SSUH2: variants seen among roughly 807,000 people sequenced by gnomAD.
The protein encoded by SSUH2 is ssu-2 homolog.
SSUH2 carries 47 observed loss-of-function variants against 55.3 expected under a neutral mutation model. The ratio of observed to expected loss-of-function variants is 0.85; its 90% confidence interval spans 0.67 to 1.08. The LOEUF (loss-of-function observed/expected upper bound fraction) is 1.08, where lower values mean the gene tolerates loss of function less well. Ranked by LOEUF, SSUH2 falls within the 50% of genes least tolerant of loss-of-function variation. The pLI is 0.00. For missense variants in SSUH2, 535 were observed against 490.7 expected (o/e 1.09, Z -0.85); for synonymous variants, 212 against 191.5 (o/e 1.11, Z -0.89).
chr3:8,653,858 T>C (rs577979088), intron 7 of SSUH2, among the ~76,000 whole-genome samples: 51 of 152,294 alleles, frequency 3.3e-4, no homozygotes, highest in Non-Finnish European at 5.4e-4. Flanking sequence ...GAAGCCACTT[T>C]AGGCCACTTT....
rs752600383 is a variant in SSUH2 at position 8,679,368 on chromosome 3, C to G, written c.-901+337G>C. On this transcript the variant is annotated intron_variant, in intron 2 of 18. Transcript: ENST00000317371. ...GCTCTTCCGACCCCCATCGCATTGG[C>G]GGGAGGCATCCCCCAGGAGGAGGGG... Among the ~76,000 whole-genome samples the G allele has an allele frequency of 2.5e-3, 185 of 73,112 alleles. 26 individuals carry two copies. The highest frequency in any genetic ancestry group is 3.9e-3 in the Non-Finnish European group (127 of 32,202). The allele number at this position is 73,112 out of a possible 152,430, so 48.0% of individuals were successfully genotyped here. A position where few individuals can be genotyped will look rare whatever the true frequency, so the allele number is the denominator to read the frequency against.
In SSUH2 at chr3:8,676,715, A is replaced by T. The variant is rs564168892; in HGVS notation, c.-753+491T>A. Among the ~76,000 whole-genome samples, 58 of 98,234 alleles carry T rather than the reference A, an allele frequency of 5.9e-4. 1 individual carries two copies. The highest frequency in any genetic ancestry group is 4.2e-3 in the Admixed American group (37 of 8,828). 64.4% of individuals were successfully genotyped at this position (98,234 alleles called of 152,430 possible). A position where few individuals can be genotyped will look rare whatever the true frequency, so the allele number is the denominator to read the frequency against. ...ACAATTTCACAGGCTGGGTGAACAC[A>T]GCCTGCGATGCTGGAATTACTATCA... On this transcript the variant is annotated intron_variant, in intron 3 of 18. Transcript: ENST00000317371.
intron 10 of SSUH2, among the ~76,000 whole-genome samples, chr3:8,624,453 C>G (rs1246098138): frequency 1.3e-5 from 2 of 152,148 alleles, no homozygotes; most frequent in African/African-American, 4.8e-5. Context: ...GGGTGCAGGG[C>G]TTCTGGTGGG....
chr3:8,675,061 C>T (rs1489151392), intron 3 of SSUH2, among the ~76,000 whole-genome samples: 12 of 152,166 alleles, frequency 7.9e-5, no homozygotes, highest in Admixed American at 5.9e-4. Flanking sequence ...TCCCAAGCCA[C>T]GGACCAAGGA....
In SSUH2 at chr3:8,627,881, C is replaced by T. The variant is rs944809029; in HGVS notation, c.589-98G>A. On this transcript the variant is annotated intron_variant, in intron 7 of 11. Coordinates refer to ENST00000544814, the MANE Select transcript of SSUH2 (RefSeq NM_001256748.3). ...TTCAAATCCCAGCCTGGTGACCTTC[C>T]TCCCCCTGGGCCTTAGCCCCTTCAT... The T allele has an allele frequency of 7.5e-6, 8 of 1,061,676 alleles. No individual in the cohort carries two copies. The African/African-American group carries it at 9.7e-5, about 13-fold the overall frequency. 65.8% of individuals were successfully genotyped at this position (1,061,676 alleles called of 1,614,324 possible). A position where few individuals can be genotyped will look rare whatever the true frequency, so the allele number is the denominator to read the frequency against.
intron 6 of SSUH2, among the ~76,000 whole-genome samples, chr3:8,630,086 AATGGACAGGATTTTT>A (rs1212730027): frequency 6.6e-6 from 1 of 152,240 alleles, no homozygotes; most frequent in Non-Finnish European, 1.5e-5. Context: ...GCCATTAAAA[AATGGACAGGATTTTT>A]ATGAAAGGCA....
chr3:8,620,190 C>A (rs1696125194), intron 11 of SSUH2, among the ~76,000 whole-genome samples, 176 bp from the exon 12 acceptor site: 1 of 152,180 alleles, frequency 6.6e-6, no homozygotes, highest in Admixed American at 6.5e-5. Context: ...TTATAATAAT[C>A]TTCATGTGAC....
Position 8,623,402 on chromosome 3 carries a change from G to A in SSUH2, c.981+147C>T, listed in dbSNP as rs76875102. Reference sequence around the variant, plus strand: ...CCTGCTCCATGCCCTGGGGCCTTAGGTCAGGCCCTACCCCTTCCCACACTC... The same window carrying A: ...CCTGCTCCATGCCCTGGGGCCTTAGATCAGGCCCTACCCCTTCCCACACTC... On this transcript the variant is annotated intron_variant, in intron 11 of 11. Coordinates refer to ENST00000544814, the MANE Select transcript of SSUH2 (RefSeq NM_001256748.3). 1,834 of 619,186 alleles carry A rather than the reference G, an allele frequency of 3.0e-3. 42 individuals are homozygous for A. In the African/African-American group the frequency reaches 0.03, roughly 10 times the overall value. The allele number at this position is 619,186 out of a possible 1,614,324, so 38.4% of individuals were successfully genotyped here. A position where few individuals can be genotyped will look rare whatever the true frequency, so the allele number is the denominator to read the frequency against.
rs960921452 is a variant in SSUH2 at position 8,622,694 on chromosome 3, C to T, written c.981+855G>A. 3.9e-5 allele frequency among the ~76,000 whole-genome samples: 6 copies of T among 152,322 alleles called. No individual in the cohort carries two copies. The East Asian group carries it at 1.2e-3, about 29-fold the overall frequency. On this transcript the variant is annotated intron_variant, in intron 11 of 11. Coordinates refer to ENST00000544814, the MANE Select transcript of SSUH2 (RefSeq NM_001256748.3). ...ATTCATGTAGATAAAAATGCATCTT[C>T]TCTCTCCTACAAATCAGGGAGATGT...
chr3:8,680,957 C>G (rs1288173893), intron 1 of SSUH2, among the ~76,000 whole-genome samples: 1 of 143,486 alleles, frequency 7.0e-6, no homozygotes, highest in Non-Finnish European at 1.6e-5. Context: ...GAATTATTAT[C>G]ATCCTCTCCC....
chr3:8,634,264 T>G, intron 3 of SSUH2: 1 of 710,338 alleles, frequency 1.4e-6, no homozygotes. Flanking sequence ...CCAGGGCTGA[T>G]GGCAGCGCCC....
chr3:8,665,348 C>A (rs59166512), intron 5 of SSUH2, among the ~76,000 whole-genome samples: 1 of 151,916 alleles, frequency 6.6e-6, no homozygotes, highest in East Asian at 1.9e-4. Flanking sequence ...AGAGGACCCT[C>A]GGTCATCTTT....
chr3:8,667,301 T>C (rs573281533), intron 5 of SSUH2, among the ~76,000 whole-genome samples: 7 of 152,230 alleles, frequency 4.6e-5, no homozygotes, highest in Non-Finnish European at 1.0e-4. Context: ...GACATTGCCA[T>C]GCCATTCATA....
upstream of SSUH2, among the ~76,000 whole-genome samples, chr3:8,645,405 G>A (rs1701551733): frequency 1.3e-5 from 2 of 152,134 alleles, no homozygotes; most frequent in South Asian, 2.1e-4. Flanking sequence ...CACCAGCCTC[G>A]CCCACTGTGA....
At chr3:8,643,981 C>T (rs1350986358) in intron 1 of SSUH2, among the ~76,000 whole-genome samples, 1 of 150,086 alleles carries the variant, frequency 6.7e-6, no homozygotes, top group East Asian at 2.0e-4. Context: ...ATGCTCTTCC[C>T]CTCCCCACTC....
At chr3:8,656,658 C>T (rs1702961917) in intron 7 of SSUH2, among the ~76,000 whole-genome samples, 1 of 152,180 alleles carries the variant, frequency 6.6e-6, no homozygotes, top group Non-Finnish European at 1.5e-5. Context: ...TCATCTCATT[C>T]GGTCCTCACT....
At chr3:8,663,666 G>A in intron 6 of SSUH2, 1 of 368,808 alleles carries the variant, frequency 2.7e-6, no homozygotes, top group Non-Finnish European at 5.5e-6. Context: ...GGGGTGCTAG[G>A]AATGTGTTAA....
At chr3:8,642,654 C>T (rs573749455) in intron 1 of SSUH2, among the ~76,000 whole-genome samples, 3 of 152,314 alleles carry the variant, frequency 2.0e-5, no homozygotes, top group African/African-American at 4.8e-5. Flanking sequence ...TGTCCCAAAA[C>T]GTATCACTGG....
chr3:8,677,391 T>G (rs1312857805), intron 2 of SSUH2: 3 of 151,126 alleles, frequency 2.0e-5, no homozygotes, highest in Non-Finnish European at 4.4e-5. Context: ...TCTTAGGAGC[T>G]GTGGGGTTTT....
Sources: gnomAD v4.1 joint callset for allele counts (sites outside exome capture counted in the v4.1 genomes callset) on GRCh38, gnomAD v4.1.1 for gene constraint, MANE v1.5 for transcripts, NCBI Gene and HGNC (gene_info 2026-07-23, HGNC 2026-07-21) for gene names.